The following CYP7B1 variants were observed in gnomAD, a reference collection of about 807,000 sequenced individuals.
The protein encoded by CYP7B1 is cytochrome P450 family 7 subfamily B member 1.
In CYP7B1, 29 loss-of-function variants were observed where a neutral mutation model predicts 42.7. That is an observed-to-expected ratio of 0.68 (90% CI 0.51 to 0.93). CYP7B1 has a LOEUF of 0.93. Among genes scored for constraint, CYP7B1 ranks in the 40% least tolerant of loss-of-function variants. The probability of loss-of-function intolerance (pLI) is 0.00; values close to 1 mark genes in which losing one functional copy is unlikely to be tolerated. For missense variants in CYP7B1, 655 were observed against 600.5 expected (o/e 1.09, Z -0.95); for synonymous variants, 235 against 218.2 (o/e 1.08, Z -0.68).
At chr8:64,587,636 A>G (rs1240761867), downstream of CYP7B1, 1 of 152,226 alleles carries the variant, frequency 6.6e-6, no homozygotes, top group Non-Finnish European at 1.5e-5. Flanking sequence ...TTTGTGTTAA[A>G]TTCTACTAAT....
In CYP7B1 at chr8:64,738,958, T is replaced by A. The variant is rs1807530686; in HGVS notation, c.122+59508A>T. ...TTGGGCTCCCCAACACTTTTATGGG[T>A]TTTACCTCCAGGAACCCTGCCATGT... On this transcript the variant is annotated intron_variant, in intron 1 of 5. Coordinates refer to ENST00000310193, the MANE Select transcript of CYP7B1 (RefSeq NM_004820.5). 2.6e-5 allele frequency among the ~76,000 whole-genome samples: 4 copies of A among 151,942 alleles called. No individual in the cohort carries two copies. The South Asian group carries it at 8.3e-4, about 32-fold the overall frequency.
At chr8:64,678,146 C>T (rs1276566537) in intron 1 of CYP7B1, among the ~76,000 whole-genome samples, 1 of 152,132 alleles carries the variant, frequency 6.6e-6, no homozygotes, top group Admixed American at 6.6e-5. Flanking sequence ...CTGTATCACT[C>T]TCAGTATAGG....
intron 1 of CYP7B1, among the ~76,000 whole-genome samples, chr8:64,660,850 T>G (rs1806189369): frequency 6.6e-6 from 1 of 152,170 alleles, no homozygotes; most frequent in Admixed American, 6.5e-5. Flanking sequence ...CCAGAAGGAC[T>G]CAGGAATGAG....
At chr8:64,769,005 A>G (rs1325299143) in intron 1 of CYP7B1, among the ~76,000 whole-genome samples, 2 of 152,168 alleles carry the variant, frequency 1.3e-5, no homozygotes, top group African/African-American at 4.8e-5. Context: ...TTTTGCAACA[A>G]ATATTATACA....
intron 1 of CYP7B1, among the ~76,000 whole-genome samples, chr8:64,642,333 T>C (rs186540724): frequency 4.6e-5 from 7 of 152,256 alleles, no homozygotes; most frequent in Non-Finnish European, 7.4e-5. Context: ...TTGTCCCACT[T>C]TCTACCCAGG....
chr8:64,692,432 G>A (rs1806761422), intron 1 of CYP7B1, among the ~76,000 whole-genome samples: 1 of 152,224 alleles, frequency 6.6e-6, no homozygotes, highest in South Asian at 2.1e-4. Flanking sequence ...CGGTCTGAGA[G>A]TGCTTCCCTT....
intron 2 of CYP7B1, among the ~76,000 whole-genome samples, chr8:64,623,024 G>C (rs1302114894): frequency 6.6e-6 from 1 of 152,122 alleles, no homozygotes; most frequent in South Asian, 2.1e-4. Context: ...GGGTAATCTA[G>C]TGTGTAGAGA....
At chr8:64,606,134 A>G (rs904353946) in intron 4 of CYP7B1, among the ~76,000 whole-genome samples, 3 of 152,174 alleles carry the variant, frequency 2.0e-5, no homozygotes, top group African/African-American at 7.2e-5. Flanking sequence ...TGGTGATTCA[A>G]TGTGACGTAC....
intron 1 of CYP7B1, among the ~76,000 whole-genome samples, chr8:64,707,162 C>T (rs1289494490): frequency 1.3e-5 from 2 of 152,026 alleles, no homozygotes; most frequent in Admixed American, 1.3e-4. Flanking sequence ...GAGAGTTCTA[C>T]TAAGGCAATA....
At chr8:64,667,947 AAAT>A in intron 1 of CYP7B1, among the ~76,000 whole-genome samples, 1 of 152,190 alleles carries the variant, frequency 6.6e-6, no homozygotes, top group East Asian at 1.9e-4. Context: ...TCCTCTGTTG[AAAT>A]AGTCCTATCA....
chr8:64,767,000 C>T lies in CYP7B1; in HGVS notation c.122+31466G>A, dbSNP rs113727722. On this transcript the variant is annotated intron_variant, in intron 1 of 5. Coordinates refer to ENST00000310193, the MANE Select transcript of CYP7B1 (RefSeq NM_004820.5). ...GCAGTCACTAGATACTTCTCCCAGC[C>T]ACTAAGTTGTGACTGGGGAACTTTA... 1.2e-4 allele frequency among the ~76,000 whole-genome samples: 19 copies of T among 152,314 alleles called. 2 individuals carry two copies. The highest frequency in any genetic ancestry group is 4.6e-4 in the African/African-American group (19 of 41,562).
rs1342548469 is a variant in CYP7B1, at chr8:64,722,748, G to A, written c.122+75718C>T. ...AGTAGAATGATTTTTTGCGGCGGGG[G>A]GGGGGGGGCGGGAGGTTTTTTTTTA... On this transcript the variant is annotated intron_variant, in intron 1 of 5. Transcript: ENST00000310193. 6.5e-5 allele frequency among the ~76,000 whole-genome samples: 7 copies of A among 106,970 alleles called. 1 individual carries two copies. Among genetic ancestry groups the A allele is most frequent in the African/African-American group, 2.4e-4 (7 of 28,614 alleles). 70.2% of individuals were successfully genotyped at this position (106,970 alleles called of 152,430 possible).
At chr8:64,654,645 A>G (rs1489381873) in intron 1 of CYP7B1, among the ~76,000 whole-genome samples, 1 of 152,194 alleles carries the variant, frequency 6.6e-6, no homozygotes, top group East Asian at 1.9e-4. Flanking sequence ...TACAAATGAC[A>G]TTCTTCACAG....
chr8:64,767,188 A>T (rs1804106397), intron 1 of CYP7B1, among the ~76,000 whole-genome samples: 1 of 152,244 alleles, frequency 6.6e-6, no homozygotes, highest in African/African-American at 2.4e-5. Context: ...CTCCATGCCC[A>T]TGCAGCAATA....
intron 1 of CYP7B1, among the ~76,000 whole-genome samples, chr8:64,764,810 T>G (rs752549225): frequency 6.6e-6 from 1 of 152,132 alleles, no homozygotes; most frequent in South Asian, 2.1e-4. Flanking sequence ...CTAAAAAATC[T>G]AAAAGGATAG....
At position 64,624,412 on chromosome 8, in the gene CYP7B1, G is replaced by A. The variant is rs755394146; in HGVS notation, c.250C>T (p.Leu84Phe). The stretch of plus-strand genomic sequence containing the variant: ...TAGAAGTGCTTCTTACCACCAAGAA[G>A]AACTGTGAAAGTGTCACCATGTTGC... Reference protein sequence around the residue: ...QKQHGDTFTVLLGGKYITFIL... With the variant: ...QKQHGDTFTVFLGGKYITFIL... The change falls in exon 2 of 6, where the codon CTT (leucine) becomes TTT (phenylalanine). Residue 84 changes from leucine to phenylalanine, a missense_variant. Coordinates refer to ENST00000310193, the MANE Select transcript of CYP7B1 (RefSeq NM_004820.5). The A allele has an allele frequency of 1.2e-6, 2 of 1,613,536 alleles. No individual in the cohort carries two copies. Among genetic ancestry groups the A allele is most frequent in the East Asian group, 2.2e-5 (1 of 44,862 alleles).
chr8:64,671,200 T>A (rs1368757599), intron 1 of CYP7B1, among the ~76,000 whole-genome samples: 1 of 151,984 alleles, frequency 6.6e-6, no homozygotes, highest in Non-Finnish European at 1.5e-5. Context: ...ATACACAAAA[T>A]AAATGCAAAA....
intron 1 of CYP7B1, among the ~76,000 whole-genome samples, chr8:64,654,617 A>G (rs1180555190): frequency 2.0e-5 from 3 of 152,226 alleles, no homozygotes; most frequent in African/African-American, 4.8e-5. Context: ...TATAGATTCA[A>G]TGTTATTCTT....
chr8:64,792,908 G>A (rs1333006110), intron 1 of CYP7B1, among the ~76,000 whole-genome samples: 1 of 152,126 alleles, frequency 6.6e-6, no homozygotes, highest in Non-Finnish European at 1.5e-5. Flanking sequence ...GGCTCAGAGG[G>A]AAGACTTTGT....
Sources: allele counts gnomAD v4.1 joint callset (sites outside exome capture counted in the v4.1 genomes callset), GRCh38; gene constraint gnomAD v4.1.1; transcripts MANE v1.5; gene names NCBI Gene and HGNC (gene_info 2026-07-23, HGNC 2026-07-21).